IL1RAPL2: variants seen among roughly 807,000 people sequenced by gnomAD.
The protein encoded by IL1RAPL2 is interleukin 1 receptor accessory protein like 2.
IL1RAPL2 carries 3 observed loss-of-function variants against 44.1 expected under a neutral mutation model. That is an observed-to-expected ratio of 0.07 (90% CI 0.03 to 0.18). The LOEUF is 0.18. Among genes scored for constraint, IL1RAPL2 ranks in the 10% least tolerant of loss-of-function variants. IL1RAPL2 has a pLI of 1.00. For synonymous variants in IL1RAPL2, 181 were observed against 178.8 expected, an observed-to-expected ratio of 1.01 and a Z score of -0.10; for missense variants, 391 against 496.4, an observed-to-expected ratio of 0.79 and a Z score of 2.02.
At chrX:104,942,759 C>A (rs1602838964) in intron 2 of IL1RAPL2, among the ~76,000 whole-genome samples, 1 of 111,406 alleles carries the variant, frequency 9.0e-6, no homozygotes, top group South Asian at 3.8e-4. Flanking sequence ...GAAAGGGCAT[C>A]CCTGTCTTGT....
At chrX:105,570,725 T>A (rs1046697127) in intron 6 of IL1RAPL2, among the ~76,000 whole-genome samples, 1 of 112,301 alleles carries the variant, frequency 8.9e-6, no homozygotes, top group Non-Finnish European at 1.9e-5. Context: ...TACCTCCCAC[T>A]TTTAAGCAGG....
chrX:105,495,932 A>G (rs1335373691), intron 6 of IL1RAPL2, among the ~76,000 whole-genome samples: 1 of 110,957 alleles, frequency 9.0e-6, no homozygotes, highest in Non-Finnish European at 1.9e-5. Context: ...ATTATACTCT[A>G]CTCCCTTTTA....
chrX:105,398,471 A>G (rs2035581032), intron 5 of IL1RAPL2, among the ~76,000 whole-genome samples: 1 of 111,190 alleles, frequency 9.0e-6, no homozygotes, highest in African/African-American at 3.3e-5. Context: ...AATCCGATCT[A>G]AAGATATATT....
At chrX:104,909,879 A>G (rs1292483728) in intron 2 of IL1RAPL2, among the ~76,000 whole-genome samples, 1 of 112,126 alleles carries the variant, frequency 8.9e-6, no homozygotes, top group Non-Finnish European at 1.9e-5. Flanking sequence ...GGTGGGCTCC[A>G]CCCAGTTCGA....
chrX:104,676,059 C>A (rs1381073663), intron 2 of IL1RAPL2, among the ~76,000 whole-genome samples: 1 of 108,194 alleles, frequency 9.2e-6, no homozygotes, highest in East Asian at 2.9e-4. Flanking sequence ...ATCCAATTTG[C>A]CAGTCTGTGT....
chrX:105,198,163 G>C (rs1556142888), intron 3 of IL1RAPL2, among the ~76,000 whole-genome samples: 1 of 111,625 alleles, frequency 9.0e-6, no homozygotes, highest in African/African-American at 3.3e-5. Context: ...GGGCATTTAG[G>C]TTAATTCCAT....
At chrX:105,352,018 G>A (rs991951090) in intron 5 of IL1RAPL2, among the ~76,000 whole-genome samples, 1 of 111,457 alleles carries the variant, frequency 9.0e-6, no homozygotes, top group Admixed American at 9.6e-5. Flanking sequence ...CATGAACTCA[G>A]CTCACTGCAA....
At chrX:104,797,194 C>T (rs1395480163) in intron 2 of IL1RAPL2, among the ~76,000 whole-genome samples, 2 of 35,912 alleles carry the variant, frequency 5.6e-5, no homozygotes, top group African/African-American at 9.6e-5. Flanking sequence ...AGCCCCCCCC[C>T]CCCCCCCGCA....
chrX:104,600,329 C>T (rs1273516273), intron 1 of IL1RAPL2, among the ~76,000 whole-genome samples: 1 of 111,108 alleles, frequency 9.0e-6, no homozygotes, highest in Non-Finnish European at 1.9e-5. Flanking sequence ...CTAGAAGCTA[C>T]AGAGCTCTCC....
At chrX:104,793,842 C>T (rs369439659) in intron 2 of IL1RAPL2, among the ~76,000 whole-genome samples, 5 of 111,529 alleles carry the variant, frequency 4.5e-5, no homozygotes, top group African/African-American at 1.3e-4. Flanking sequence ...ATGGTACCAC[C>T]GTAACTCTGA....
At chrX:105,665,011 T>C (rs1450657528) in intron 6 of IL1RAPL2, among the ~76,000 whole-genome samples, 1 of 112,377 alleles carries the variant, frequency 8.9e-6, no homozygotes, top group Non-Finnish European at 1.9e-5. Context: ...TTTCTCTAGC[T>C]TAAATTATCA....
chrX:104,750,238 A>G (rs972017236), intron 2 of IL1RAPL2, among the ~76,000 whole-genome samples: 5 of 111,326 alleles, frequency 4.5e-5, no homozygotes, highest in African/African-American at 1.6e-4. Flanking sequence ...TTGAGATAAA[A>G]CTTAGTGGGA....
At chrX:104,794,872 A>T (rs1337303802) in intron 2 of IL1RAPL2, among the ~76,000 whole-genome samples, 11 of 111,782 alleles carry the variant, frequency 9.8e-5, no homozygotes, top group Non-Finnish European at 1.3e-4. Context: ...CTTGCATTAG[A>T]GTAGTTTCTC....
intron 6 of IL1RAPL2, among the ~76,000 whole-genome samples, chrX:105,532,313 C>G (rs1286945488): frequency 1.8e-5 from 2 of 111,706 alleles, no homozygotes; most frequent in African/African-American, 6.5e-5. Context: ...AGTGTGAACC[C>G]TGAATCTCTA....
At chrX:104,828,639 AG>A (rs1467415739) in intron 2 of IL1RAPL2, among the ~76,000 whole-genome samples, 1 of 112,241 alleles carries the variant, frequency 8.9e-6, no homozygotes, top group African/African-American at 3.2e-5. Flanking sequence ...TCTGTCCCTT[AG>A]CAGAGCTCGA....
intron 5 of IL1RAPL2, among the ~76,000 whole-genome samples, chrX:105,428,042 A>G (rs1259669070): frequency 8.9e-6 from 1 of 112,055 alleles, no homozygotes; most frequent in Non-Finnish European, 1.9e-5. Flanking sequence ...AAATATATTA[A>G]TGTTACAAAA....
intron 2 of IL1RAPL2, among the ~76,000 whole-genome samples, chrX:105,060,585 C>CTTTTTTTTTTTTTTTTTTTTT (rs1161187469): frequency 4.8e-4 from 34 of 70,136 alleles, no homozygotes; most frequent in African/African-American, 8.0e-4. Context: ...TTTTCTTTTT[C>CTTTTTTTTTTTTTTTTTTTTT]TTTTTTTTTT....
intron 2 of IL1RAPL2, among the ~76,000 whole-genome samples, chrX:104,778,351 A>G (rs1461644303): frequency 9.0e-6 from 1 of 110,896 alleles, no homozygotes; most frequent in Non-Finnish European, 1.9e-5. Context: ...CATCGAGCAG[A>G]TCTCTGATTC....
chrX:105,556,454 T>C (rs1602466244), intron 6 of IL1RAPL2, among the ~76,000 whole-genome samples: 1 of 110,974 alleles, frequency 9.0e-6, no homozygotes, highest in Admixed American at 9.7e-5. Context: ...GCCAAACTGC[T>C]TTTTTCTCCT....
Sources: allele counts gnomAD v4.1 joint callset (sites outside exome capture counted in the v4.1 genomes callset), GRCh38; gene constraint gnomAD v4.1.1; transcripts MANE v1.5; gene names NCBI Gene and HGNC (gene_info 2026-07-23, HGNC 2026-07-21).